Variants in ZNF136 observed in about 807,000 individuals in gnomAD.
The protein encoded by ZNF136 is zinc finger protein 136.
Under a neutral mutation model 11.4 loss-of-function variants are expected in ZNF136, and 8 were observed. That is an observed-to-expected ratio of 0.70 (90% CI 0.41 to 1.27). The LOEUF (loss-of-function observed/expected upper bound fraction) is 1.27. ZNF136 is among the 50% of genes most tolerant of loss of function. The probability of loss-of-function intolerance (pLI) is 0.01; values close to 1 mark genes in which losing one functional copy is unlikely to be tolerated. For synonymous variants in ZNF136, 190 were observed against 207.1 expected (o/e 0.92, Z 0.71); for missense variants, 590 against 656.5 (o/e 0.90, Z 1.11).
rs1412292957 is a variant in ZNF136, at chr19:12,188,456, A to G, written c.*455A>G. ...GTCCACACGTTTTTAGCCAGCCCAC[A>G]TGCTTTCAACAACATGTAAGAATGT... On this transcript the variant is annotated 3_prime_UTR_variant, in exon 4 of 4. Coordinates refer to ENST00000343979, the MANE Select transcript of ZNF136 (RefSeq NM_003437.5). The G allele has an allele frequency of 1.3e-5, 2 of 153,742 alleles. No individual in the cohort carries two copies. Among genetic ancestry groups the G allele is most frequent in the South Asian group, 2.0e-4 (1 of 4,894 alleles). 9.5% of individuals were successfully genotyped at this position (153,742 alleles called of 1,614,324 possible).
intron 1 of ZNF136, among the ~76,000 whole-genome samples, chr19:12,166,958 A>G (rs1977195645): frequency 6.6e-6 from 1 of 152,236 alleles, no homozygotes; most frequent in Non-Finnish European, 1.5e-5. Flanking sequence ...CACCAATCAA[A>G]TATAAGATCT....
chr19:12,167,200 C>T (rs1458865461), intron 1 of ZNF136, among the ~76,000 whole-genome samples: 1 of 152,184 alleles, frequency 6.6e-6, no homozygotes, highest in African/African-American at 2.4e-5. Context: ...CAAGGGCTTG[C>T]ATCTGTAGTT....
intron 1 of ZNF136, among the ~76,000 whole-genome samples, chr19:12,166,985 T>G (rs952536755): frequency 6.6e-6 from 1 of 152,130 alleles, no homozygotes; most frequent in Non-Finnish European, 1.5e-5. Flanking sequence ...ATCTGAAAGT[T>G]TAGGCAGAAA....
chr19:12,166,552 C>G (rs953676377), intron 1 of ZNF136, among the ~76,000 whole-genome samples: 1 of 152,220 alleles, frequency 6.6e-6, no homozygotes, highest in Non-Finnish European at 1.5e-5. Context: ...CGGTGAATAA[C>G]TGTTCTGTTT....
chr19:12,168,833 G>A (rs1007536923), intron 1 of ZNF136, among the ~76,000 whole-genome samples: 2 of 151,940 alleles, frequency 1.3e-5, no homozygotes, highest in East Asian at 1.9e-4. Context: ...CTGCCACCAG[G>A]CCCGGCTAAT....
At chr19:12,169,158 G>C in intron 1 of ZNF136, 1 of 152,366 alleles carries the variant, frequency 6.6e-6, no homozygotes, top group Non-Finnish European at 1.5e-5. Flanking sequence ...CTGTGTCCTG[G>C]GGTGGGCCCT....
intron 1 of ZNF136, among the ~76,000 whole-genome samples, chr19:12,175,013 C>T (rs10415574): frequency 0.015 from 2,252 of 151,986 alleles, 53 homozygotes; most frequent in African/African-American, 0.052. Context: ...TGTGCCACCA[C>T]GCCCAGCTAA....
At chr19:12,176,349 G>A (rs1257092245) in intron 1 of ZNF136, among the ~76,000 whole-genome samples, 1 of 150,972 alleles carries the variant, frequency 6.6e-6, no homozygotes, top group Non-Finnish European at 1.5e-5. Context: ...TTTTTGAGAT[G>A]GAGTTTCGCT....
At chr19:12,178,673 A>G (rs1914858444) in intron 1 of ZNF136, among the ~76,000 whole-genome samples, 1 of 152,120 alleles carries the variant, frequency 6.6e-6, no homozygotes, top group Non-Finnish European at 1.5e-5. Context: ...TAAACTTTAT[A>G]ATTTTGTGGC....
At chr19:12,184,257 C>CT (rs1452732509) in intron 1 of ZNF136, among the ~76,000 whole-genome samples, 1 of 147,386 alleles carries the variant, frequency 6.8e-6, no homozygotes, top group Non-Finnish European at 1.5e-5. Flanking sequence ...CAGAGCAAGA[C>CT]TCCATCCAAA....
At position 12,186,136 on chromosome 19, in the gene ZNF136, C is replaced by T. The variant is rs777109264; in HGVS notation, c.153C>T (p.Asn51=). Residue 51 remains asparagine, a synonymous_variant, in exon 3 of 4, where the codon AAC becomes AAT. Transcript: ENST00000343979. ...ASIGKKWKDQ[N]IKDHYKHRGR... is the part of the protein sequence containing the mutation. The stretch of plus-strand genomic sequence containing the variant: ...TAGGGAAAAAATGGAAGGACCAGAA[C>T]ATTAAAGATCACTACAAACACCGAG... 1.9e-6 allele frequency: 3 copies of T among 1,611,050 alleles called. No homozygotes were observed. Among genetic ancestry groups the T allele is most frequent in the East Asian group, 2.2e-5 (1 of 44,852 alleles).
At chr19:12,176,396 G>A (rs1268100013) in intron 1 of ZNF136, among the ~76,000 whole-genome samples, 1 of 151,766 alleles carries the variant, frequency 6.6e-6, no homozygotes, top group Non-Finnish European at 1.5e-5. Context: ...GCGGGATCTC[G>A]GCTCACTGCA....
chr19:12,167,902 G>A (rs1344830367), intron 1 of ZNF136, among the ~76,000 whole-genome samples: 2 of 151,992 alleles, frequency 1.3e-5, no homozygotes, highest in African/African-American at 4.8e-5. Context: ...AATAGATATG[G>A]TCATAGAAAT....
At chr19:12,169,433 T>C (rs1359789580) in intron 1 of ZNF136, 1 of 152,160 alleles carries the variant, frequency 6.6e-6, no homozygotes, top group Non-Finnish European at 1.5e-5. Context: ...ATTACTCAAA[T>C]ATTCCTCACT....
At chr19:12,186,315 C>A in intron 3 of ZNF136, 141 bp downstream of exon 3, 1 of 924,950 alleles carries the variant, frequency 1.1e-6, no homozygotes. Flanking sequence ...ACATATTCTT[C>A]AGTGTAAACA....
intron 1 of ZNF136, among the ~76,000 whole-genome samples, chr19:12,168,557 G>A (rs1914550111): frequency 6.6e-6 from 1 of 152,146 alleles, no homozygotes. Flanking sequence ...GGAGGGTCTA[G>A]TGAATATTGG....
chr19:12,171,598 A>T (rs986696856), intron 1 of ZNF136, among the ~76,000 whole-genome samples: 1 of 151,844 alleles, frequency 6.6e-6, no homozygotes, highest in African/African-American at 2.4e-5. Flanking sequence ...TCTGTAGGCT[A>T]ATTCTTTTTC....
chr19:12,185,699 CAT>C lies in ZNF136; in HGVS notation c.4-85_4-84del, dbSNP rs573745751. 1.1e-3 allele frequency: 1,607 copies of C among 1,523,672 alleles called. 17 individuals carry two copies. In the Middle Eastern group the frequency reaches 0.011, roughly 11 times the overall value. 94.4% of individuals were successfully genotyped at this position (1,523,672 alleles called of 1,614,324 possible). ...AGTAAATGTTTGCAGACCCCTGAAACATGTGAACTTCTTATGAATTGAGTACA... is the reference window on the plus strand; with the variant it reads ...AGTAAATGTTTGCAGACCCCTGAAACGTGAACTTCTTATGAATTGAGTACA... On this transcript the variant is annotated intron_variant, in intron 1 of 3. Transcript: ENST00000343979.
At chr19:12,165,435 A>G (rs925650991) in intron 1 of ZNF136, among the ~76,000 whole-genome samples, 1 of 152,230 alleles carries the variant, frequency 6.6e-6, no homozygotes. Context: ...GTAGAGCTTC[A>G]TAGAGAAGAT....
Sources: allele counts gnomAD v4.1 joint callset (sites outside exome capture counted in the v4.1 genomes callset), GRCh38; gene constraint gnomAD v4.1.1; transcripts MANE v1.5; gene names NCBI Gene and HGNC (gene_info 2026-07-23, HGNC 2026-07-21).